EPHA10: variants seen among roughly 807,000 people sequenced by gnomAD.
EPHA10 encodes the protein EPH receptor A10.
In EPHA10, 120 loss-of-function variants were observed where a neutral mutation model predicts 109.7. That is an observed-to-expected ratio of 1.09 (90% CI 0.94 to 1.27). The LOEUF (loss-of-function observed/expected upper bound fraction) is 1.27. Among genes scored for constraint, EPHA10 ranks in the 50% most tolerant of loss-of-function variants. The pLI is 0.00. For missense variants in EPHA10, 1,396 were observed against 1,411.1 expected (o/e 0.99, Z 0.17); for synonymous variants, 640 against 618.9 (o/e 1.03, Z -0.51).
At chr1:37,750,737 G>T (rs1646309235) in intron 5 of EPHA10, among the ~76,000 whole-genome samples, 1 of 151,922 alleles carries the variant, frequency 6.6e-6, no homozygotes, top group African/African-American at 2.4e-5. Flanking sequence ...ACATCACCAT[G>T]CCTGGCTAAT....
chr1:37,746,544 G>A (rs1486219837), intron 5 of EPHA10, among the ~76,000 whole-genome samples: 2 of 152,080 alleles, frequency 1.3e-5, no homozygotes, highest in Non-Finnish European at 2.9e-5. Flanking sequence ...GAATCTGGAG[G>A]TAACATAATT....
intron 5 of EPHA10, among the ~76,000 whole-genome samples, chr1:37,751,496 G>A (rs1471213988): frequency 6.6e-6 from 1 of 150,558 alleles, no homozygotes; most frequent in Middle Eastern, 3.3e-3. Context: ...TTGAACCCAG[G>A]AGGCAGAGGT....
chr1:37,765,094 C>G lies in EPHA10; in HGVS notation c.-28G>C. 6.4e-7 allele frequency: 1 copy of G among 1,561,848 alleles called. No homozygotes were observed. Among genetic ancestry groups the G allele is most frequent in the Non-Finnish European group, 8.6e-7 (1 of 1,157,862 alleles). ...TCCGCAGACCGAGCTGTCAGTCCGG[C>G]GGCGGCTCAAGCCGCGCCAGCCTAG... On this transcript the variant is annotated 5_prime_UTR_variant, in exon 1 of 17. Transcript: ENST00000373048.
rs755623091 is a variant in EPHA10, at chr1:37,731,547, T to C, written c.1527A>G (p.Thr509=). The change falls in exon 7 of 17, where the codon ACA becomes ACG. Residue 509 remains threonine (T), a synonymous_variant. Transcript: ENST00000373048. ...QSEQTYSMVK[T]GAPTVTVTNL... The stretch of plus-strand genomic sequence containing the variant: ...TGGTGACGGTGACTGTGGGCGCCCC[T>C]GTCTTCACCATGGAGTAAGTCTGCT... 1.1e-5 allele frequency: 18 copies of C among 1,613,744 alleles called. No homozygotes were observed. Among genetic ancestry groups the C allele is most frequent in the Non-Finnish European group, 1.5e-5 (18 of 1,179,880 alleles).
chr1:37,715,673 T>G (rs1459277893), downstream of EPHA10, among the ~76,000 whole-genome samples: 1 of 152,204 alleles, frequency 6.6e-6, no homozygotes, highest in East Asian at 1.9e-4. Context: ...TCCCTGGTAC[T>G]GTCTATCCCA....
At chr1:37,724,673 G>A (rs143511462) in intron 8 of EPHA10, among the ~76,000 whole-genome samples, 240 of 152,260 alleles carry the variant, frequency 1.6e-3, no homozygotes, top group African/African-American at 5.4e-3. Flanking sequence ...AGGAGTTTCC[G>A]AAGTTTTCAC....
rs1646376129 is a variant in EPHA10, at chr1:37,754,420, C to G, written c.851-50G>C. On this transcript the variant is annotated intron_variant, in intron 3 of 16. Transcript: ENST00000373048. The surrounding 1 kb of genome is among the most constrained non-coding windows in gnomAD (Gnocchi z 4.5). ...AGGGGGCTCCTCCAGTTTCTCCCCG[C>G]TTTCCTGACTGGCCTGGTTAGGGCA... 1.6e-6 allele frequency: 2 copies of G among 1,268,750 alleles called. No individual in the cohort carries two copies. The highest frequency in any genetic ancestry group is 2.0e-6 in the Non-Finnish European group (2 of 1,004,384). The allele number at this position is 1,268,750 out of a possible 1,614,324, so 78.6% of individuals were successfully genotyped here.
chr1:37,757,014 G>C (rs1267172699), intron 3 of EPHA10, among the ~76,000 whole-genome samples: 2 of 152,272 alleles, frequency 1.3e-5, no homozygotes, highest in East Asian at 1.9e-4. Context: ...TGTGTGGAGA[G>C]ATGGGATCTC....
At position 37,735,329 on chromosome 1, in the gene EPHA10, C is replaced by T. The variant is rs761350835; in HGVS notation, c.1419G>A (p.Ser473=). 5 of 1,572,884 alleles carry T rather than the reference C, an allele frequency of 3.2e-6. No individual in the cohort carries two copies. Among genetic ancestry groups the T allele is most frequent in the South Asian group, 2.3e-5 (2 of 85,580 alleles). The change falls in exon 6 of 17, where the codon TCG becomes TCA. Residue 473 remains serine, a synonymous_variant. Transcript: ENST00000373048. The part of the protein sequence containing the change: ...DRVEPQSVSL[S]WREPIPAGAP... ...CTCCGGCAGGGATGGGCTCCCGCCA[C>T]GACAGGGACACGCTCTGGGGTTCCA...
rs1041178477 is a variant in EPHA10, at chr1:37,754,079, G to C, written c.1006+136C>G. 5 of 1,027,596 alleles carry C rather than the reference G, an allele frequency of 4.9e-6. No homozygotes were observed. In the African/African-American group the frequency reaches 8.3e-5, roughly 17 times the overall value. 63.7% of individuals were successfully genotyped at this position (1,027,596 alleles called of 1,614,324 possible). A position where few individuals can be genotyped will look rare whatever the true frequency, so the allele number is the denominator to read the frequency against. ...TCCGCTCCCCCGTACGCCGCCTTCCGGGGCGCTGGCCCCCATATCCGCCCA... is the reference window on the plus strand; with the variant it reads ...TCCGCTCCCCCGTACGCCGCCTTCCCGGGCGCTGGCCCCCATATCCGCCCA... On this transcript the variant is annotated intron_variant, in intron 4 of 16. Transcript: ENST00000373048. The surrounding 1 kb of genome is among the most constrained non-coding windows in gnomAD (Gnocchi z 4.5).
Position 37,754,437 on chromosome 1 carries a change from G to A in EPHA10, c.851-67C>T. The A allele has an allele frequency of 8.0e-7, 1 of 1,252,494 alleles. No homozygotes were observed. Among genetic ancestry groups the A allele is most frequent in the Non-Finnish European group, 1.0e-6 (1 of 994,630 alleles). 77.6% of individuals were successfully genotyped at this position (1,252,494 alleles called of 1,614,324 possible). ...TCTCCCCGCTTTCCTGACTGGCCTG[G>A]TTAGGGCAGCGTTTATCTCCTCCAA... On this transcript the variant is annotated intron_variant, in intron 3 of 16. Transcript: ENST00000373048. This position sits in a 1 kb window ranked among gnomAD's most constrained non-coding sequence, Gnocchi z 4.5.
chr1:37,754,071 C>T lies in EPHA10; in HGVS notation c.1006+144G>A. Reference sequence around the variant, plus strand: ...GTCCAGGCTCCGCTCCCCCGTACGCCGCCTTCCGGGGCGCTGGCCCCCATA... The same window carrying T: ...GTCCAGGCTCCGCTCCCCCGTACGCTGCCTTCCGGGGCGCTGGCCCCCATA... On this transcript the variant is annotated intron_variant, in intron 4 of 16. Transcript: ENST00000373048. This position sits in a 1 kb window ranked among gnomAD's most constrained non-coding sequence, Gnocchi z 4.5. 1 of 966,750 alleles carries T rather than the reference C, an allele frequency of 1.0e-6. No homozygotes were observed. The highest frequency in any genetic ancestry group is 1.3e-6 in the Non-Finnish European group (1 of 743,972). 59.9% of individuals were successfully genotyped at this position (966,750 alleles called of 1,614,324 possible). A position where few individuals can be genotyped will look rare whatever the true frequency, so the allele number is the denominator to read the frequency against.
In EPHA10 at chr1:37,717,600, TC is replaced by T; in HGVS notation, c.*771del. On this transcript the variant is annotated 3_prime_UTR_variant, in exon 17 of 17. Coordinates refer to ENST00000373048, the MANE Select transcript of EPHA10 (RefSeq NM_001099439.2). The stretch of plus-strand genomic sequence containing the variant: ...TGGCCCTTTATGCTTTTCCCAGATG[TC>T]CTGGCCACTAAGTTCATAAAAGGAA... 4.3e-6 allele frequency: 1 copy of T among 231,684 alleles called. No homozygotes were observed. The highest frequency in any genetic ancestry group is 8.5e-6 in the Non-Finnish European group (1 of 117,022). The allele number at this position is 231,684 out of a possible 1,614,324, so 14.4% of individuals were successfully genotyped here. A position where few individuals can be genotyped will look rare whatever the true frequency, so the allele number is the denominator to read the frequency against.
At position 37,718,807 on chromosome 1, in the gene EPHA10, G is replaced by A. The variant is rs565920; in HGVS notation, c.2766C>T (p.Thr922=). The change falls in exon 16 of 17, where the codon ACC becomes ACT. Residue 922 remains threonine (T), a synonymous_variant. Transcript: ENST00000373048. ...TGGAGAAGGCACGGTCCGCTAGTGG[G>A]GTGGGAGGCCTGCGGGTCAGAGGAG... ...CALTTCPRPP[T]PLADRAFSTF... is the part of the protein sequence containing the mutation. 1.6e-5 allele frequency: 26 copies of A among 1,611,344 alleles called. No homozygotes were observed. The African/African-American group carries it at 2.8e-4, about 17-fold the overall frequency.
intron 5 of EPHA10, among the ~76,000 whole-genome samples, chr1:37,744,478 C>T (rs1646201514): frequency 1.3e-5 from 2 of 151,676 alleles, no homozygotes. Context: ...AGAGATCATG[C>T]CACTGCACTC....
At chr1:37,736,265 C>T (rs1248085184) in intron 5 of EPHA10, among the ~76,000 whole-genome samples, 1 of 151,962 alleles carries the variant, frequency 6.6e-6, no homozygotes, top group Non-Finnish European at 1.5e-5. Context: ...CCACTTGAGG[C>T]CAGGAGTTCG....
At chr1:37,738,095 C>T (rs904865533) in intron 5 of EPHA10, 13 of 151,966 alleles carry the variant, frequency 8.6e-5, no homozygotes, top group African/African-American at 2.9e-4. Flanking sequence ...AGGCTGAGCG[C>T]GGTGGCTCTT....
In EPHA10 at chr1:37,754,360, TG is replaced by T. The variant is rs773333426; in HGVS notation, c.860del (p.Pro287GlnfsTer62). 6 of 1,302,390 alleles carry T rather than the reference TG, an allele frequency of 4.6e-6. No homozygotes were observed. Among genetic ancestry groups the T allele is most frequent in the Non-Finnish European group, 5.9e-6 (6 of 1,019,480 alleles). The allele number at this position is 1,302,390 out of a possible 1,614,324, so 80.7% of individuals were successfully genotyped here. A position where few individuals can be genotyped will look rare whatever the true frequency, so the allele number is the denominator to read the frequency against. ...GCCGCGGGGACACCTTGTAAAACCCTGGGGGACAGGCTGCAGGGCATGGCTG... is the reference window on the plus strand; with the variant it reads ...GCCGCGGGGACACCTTGTAAAACCCTGGGGACAGGCTGCAGGGCATGGCTG... ...ERGDFCEACP[P>X]GFYKVSPRRP... On this transcript the variant is annotated frameshift_variant, in exon 4 of 17. Coordinates refer to ENST00000373048, the MANE Select transcript of EPHA10 (RefSeq NM_001099439.2). LOFTEE classifies it high-confidence loss of function. This position sits in a 1 kb window ranked among gnomAD's most constrained non-coding sequence, Gnocchi z 4.5.
intron 5 of EPHA10, among the ~76,000 whole-genome samples, chr1:37,752,400 G>A (rs561317124): frequency 3.3e-5 from 5 of 152,292 alleles, no homozygotes; most frequent in African/African-American, 1.2e-4. Context: ...GGGACACAGG[G>A]CCGGATCCGG....
Sources: allele counts gnomAD v4.1 joint callset (sites outside exome capture counted in the v4.1 genomes callset), GRCh38; gene constraint gnomAD v4.1.1; non-coding constraint Gnocchi (gnomAD v3.1); transcripts MANE v1.5; gene names NCBI Gene and HGNC (gene_info 2026-07-23, HGNC 2026-07-21).